ZNF704: variants seen among roughly 807,000 people sequenced by gnomAD.
ZNF704 encodes glucocorticoid induced gene 1.
Under a neutral mutation model 44.7 loss-of-function variants are expected in ZNF704, and 10 were observed. The observed-to-expected ratio is 0.22, with a 90% CI of 0.14 to 0.38. ZNF704 has a LOEUF of 0.38. Among genes scored for constraint, ZNF704 ranks in the 10% least tolerant of loss-of-function variants. The pLI, the probability that ZNF704 is intolerant of heterozygous loss-of-function variation, is 1.00. For synonymous variants in ZNF704, 211 were observed against 207.6 expected, an observed-to-expected ratio of 1.02 and a Z score of -0.14; for missense variants, 390 against 545.5, an observed-to-expected ratio of 0.71 and a Z score of 2.84.
chr8:80,882,184 C>T, the ZNF704 span, among the ~76,000 whole-genome samples: 25 of 152,242 alleles, frequency 1.6e-4, no homozygotes, highest in African/African-American at 5.5e-4. Context: ...TTTCTTGATA[C>T]GTTTGACTAG....
At chr8:80,666,341 C>T (rs1416453923) in intron 5 of ZNF704, among the ~76,000 whole-genome samples, 1 of 151,810 alleles carries the variant, frequency 6.6e-6, no homozygotes, top group Non-Finnish European at 1.5e-5. Context: ...ATATGTGCCA[C>T]ATTTTCTTAA....
At chr8:80,710,842 C>T (rs185007589) in intron 2 of ZNF704, among the ~76,000 whole-genome samples, 64 of 152,248 alleles carry the variant, frequency 4.2e-4, no homozygotes, top group Admixed American at 3.3e-4. Flanking sequence ...ACTAAGACAG[C>T]GGTTTTCTGT....
At chr8:80,791,781 T>C (rs1365381093) in intron 2 of ZNF704, among the ~76,000 whole-genome samples, 2 of 152,084 alleles carry the variant, frequency 1.3e-5, no homozygotes, top group Non-Finnish European at 2.9e-5. Context: ...GCTCATTTTC[T>C]GGAAGGAGGA....
In ZNF704 at chr8:80,687,340, C is replaced by T. The variant is rs200278959; in HGVS notation, c.444G>A (p.Pro148=). ...AGGGCTTGAAGCTGTCAGCCGAGAG[C>T]GGCGGCGACGGCGTGGACGGGTTGG... ...DQSNPSTPSP[P]LSADSFKPFR... Residue 148 remains proline (P), a synonymous_variant, in exon 4 of 9, where the codon CCG becomes CCA. Coordinates refer to ENST00000327835, the MANE Select transcript of ZNF704 (RefSeq NM_001033723.3). The T allele has an allele frequency of 1.6e-5, 26 of 1,610,022 alleles. No individual in the cohort carries two copies. The highest frequency in any genetic ancestry group is 1.7e-4 in the Middle Eastern group (1 of 6,054).
chr8:80,831,966 A>C (rs151102298), intron 1 of ZNF704, among the ~76,000 whole-genome samples: 1 of 152,344 alleles, frequency 6.6e-6, no homozygotes, highest in African/African-American at 2.4e-5. Flanking sequence ...TACAATAGCT[A>C]CCATCAAATT....
At chr8:80,768,562 C>T (rs903213887) in intron 2 of ZNF704, among the ~76,000 whole-genome samples, 3 of 152,172 alleles carry the variant, frequency 2.0e-5, no homozygotes, top group Non-Finnish European at 4.4e-5. Context: ...GGATCTCTCA[C>T]ACTTTTAATG....
chr8:80,679,982 A>G (rs1233987473), intron 4 of ZNF704, among the ~76,000 whole-genome samples: 1 of 152,186 alleles, frequency 6.6e-6, no homozygotes, highest in African/African-American at 2.4e-5. Flanking sequence ...CCTTGGGTCT[A>G]TTGGCTGAGA....
chr8:80,873,047 T>G (rs59156325), intron 1 of ZNF704, among the ~76,000 whole-genome samples: 16,887 of 152,172 alleles, frequency 0.11, 1,278 homozygotes, highest in African/African-American at 0.22. Context: ...CATCGACAAT[T>G]GTTCTTGGTT....
At chr8:80,797,444 CT>C (rs1807824829) in intron 2 of ZNF704, among the ~76,000 whole-genome samples, 2 of 152,194 alleles carry the variant, frequency 1.3e-5, no homozygotes, top group South Asian at 4.1e-4. Context: ...TAGGTGAAAG[CT>C]GCTGTGCCTC....
chr8:80,811,889 T>C (rs1425671976), intron 2 of ZNF704, among the ~76,000 whole-genome samples: 2 of 152,174 alleles, frequency 1.3e-5, no homozygotes, highest in East Asian at 3.9e-4. Context: ...TCCTGTCAGA[T>C]CAGTGGTGGC....
intron 2 of ZNF704, among the ~76,000 whole-genome samples, chr8:80,702,415 T>C (rs1818824196): frequency 6.6e-6 from 1 of 152,244 alleles, no homozygotes; most frequent in South Asian, 2.1e-4. Context: ...GAAAGCTTGA[T>C]CCTGTTGTGA....
chr8:80,873,134 AG>A (rs1809282826), intron 1 of ZNF704, among the ~76,000 whole-genome samples: 1 of 152,152 alleles, frequency 6.6e-6, no homozygotes, highest in Non-Finnish European at 1.5e-5. Flanking sequence ...CAAAATAAGG[AG>A]AAGGGGACAC....
intron 2 of ZNF704, among the ~76,000 whole-genome samples, chr8:80,727,009 A>G (rs1806493090): frequency 6.6e-6 from 1 of 152,166 alleles, no homozygotes; most frequent in East Asian, 1.9e-4. Context: ...TAATCTTTTG[A>G]TCTAGGATTG....
chr8:80,727,703 C>T (rs983481767), intron 2 of ZNF704, among the ~76,000 whole-genome samples: 2 of 152,068 alleles, frequency 1.3e-5, no homozygotes, highest in African/African-American at 4.8e-5. Context: ...GAGCTCATCC[C>T]TTGGCAGTGC....
chr8:80,685,690 G>A (rs764826643), intron 4 of ZNF704, among the ~76,000 whole-genome samples: 9 of 152,240 alleles, frequency 5.9e-5, no homozygotes, highest in Non-Finnish European at 1.2e-4. Flanking sequence ...CTCTGGGAAG[G>A]TCAGGGGACT....
chr8:80,762,240 T>C (rs1285311008), intron 2 of ZNF704, among the ~76,000 whole-genome samples: 1 of 152,230 alleles, frequency 6.6e-6, no homozygotes, highest in Non-Finnish European at 1.5e-5. Flanking sequence ...GCAGAAGTCA[T>C]AAGTGACTGA....
intron 1 of ZNF704, among the ~76,000 whole-genome samples, chr8:80,834,579 T>C (rs1014220583): frequency 2.0e-5 from 3 of 152,200 alleles, no homozygotes; most frequent in Non-Finnish European, 4.4e-5. Context: ...GTTCGTTACA[T>C]AGATATACGT....
intron 7 of ZNF704, among the ~76,000 whole-genome samples, chr8:80,658,472 C>G (rs1818050558): frequency 6.6e-6 from 1 of 152,028 alleles, no homozygotes; most frequent in Non-Finnish European, 1.5e-5. Flanking sequence ...AAACTAATAC[C>G]AACACGTCTA....
At chr8:80,737,418 G>C (rs1300074059) in intron 2 of ZNF704, among the ~76,000 whole-genome samples, 2 of 152,204 alleles carry the variant, frequency 1.3e-5, no homozygotes, top group Non-Finnish European at 2.9e-5. Context: ...GGGGAACCTA[G>C]TCCCTTACCC....
Sources: gnomAD v4.1 joint callset for allele counts (sites outside exome capture counted in the v4.1 genomes callset) on GRCh38, gnomAD v4.1.1 for gene constraint, MANE v1.5 for transcripts, NCBI Gene and HGNC (gene_info 2026-07-23, HGNC 2026-07-21) for gene names.